Variants in FCRL3 observed in about 807,000 individuals in gnomAD.
FCRL3 encodes the protein Fc receptor like 3.
Under a neutral mutation model 75.0 loss-of-function variants are expected in FCRL3, and 89 were observed. The observed-to-expected ratio is 1.19, with a 90% CI of 1.00 to 1.42. The LOEUF (loss-of-function observed/expected upper bound fraction) is 1.42, where lower values mean the gene tolerates loss of function less well. Among genes scored for constraint, FCRL3 ranks in the 40% most tolerant of loss-of-function variants. FCRL3 has a pLI of 0.00. For missense variants in FCRL3, 946 were observed against 880.0 expected, an observed-to-expected ratio of 1.07 and a Z score of -0.95; for synonymous variants, 376 against 348.5, an observed-to-expected ratio of 1.08 and a Z score of -0.88.
In FCRL3 at chr1:157,699,681, G is replaced by A. The variant is rs780814754; in HGVS notation, c.52+11C>T. The A allele has an allele frequency of 6.2e-7, 1 of 1,613,532 alleles. No individual in the cohort carries two copies. Among genetic ancestry groups the A allele is most frequent in the South Asian group, 1.1e-5 (1 of 90,944 alleles). On this transcript the variant is annotated intron_variant, in intron 3 of 14. Transcript: ENST00000368184. The stretch of plus-strand genomic sequence containing the variant: ...CAGAGACCAGAGGGGCAGAGAGAAG[G>A]AGAAACTTACCTGATTGTTCTCTTC...
Position 157,683,220 on chromosome 1 carries a change from G to A in FCRL3, c.1835C>T (p.Ser612Phe). Reference protein sequence around the residue: ...KPGGLSATGTSSHSPSECQEP... With the variant: ...KPGGLSATGTFSHSPSECQEP... ...GCACAAGAAGCAGAGACCTCACCTAGATGTTCCAGTGGCAGAAAGTCCTCC... is the reference window on the plus strand; with the variant it reads ...GCACAAGAAGCAGAGACCTCACCTAAATGTTCCAGTGGCAGAAAGTCCTCC... Residue 612 changes from serine (S) to phenylalanine (F), a missense_variant, in exon 11 of 15, where the codon TCT becomes TTT. Ser to Phe is a radical substitution (Grantham distance 155). Coordinates refer to ENST00000368184, the MANE Select transcript of FCRL3 (RefSeq NM_052939.4). 1 of 1,613,580 alleles carries A rather than the reference G, an allele frequency of 6.2e-7. No homozygotes were observed. Among genetic ancestry groups the A allele is most frequent in the East Asian group, 2.2e-5 (1 of 44,840 alleles).
At chr1:157,695,863 A>G (rs1655855712) in intron 7 of FCRL3, 177 bp downstream of exon 7, 1 of 696,876 alleles carries the variant, frequency 1.4e-6, no homozygotes, top group Non-Finnish European at 2.3e-6. Flanking sequence ...CCATCTTTCC[A>G]TTTCTTGGAT....
chr1:157,697,670 A>G lies in FCRL3; in HGVS notation c.548T>C (p.Ile183Thr), dbSNP rs773307054. 17 of 1,613,044 alleles carry G rather than the reference A, an allele frequency of 1.1e-5. No homozygotes were observed. The highest frequency in any genetic ancestry group is 1.4e-5 in the Non-Finnish European group (17 of 1,179,662). The change falls in exon 5 of 15, where the codon ATC becomes ACC. Residue 183 changes from isoleucine (I) to threonine (T), a missense_variant. Coordinates refer to ENST00000368184, the MANE Select transcript of FCRL3 (RefSeq NM_052939.4). ...AATCTAGCCATTACCTTGAACTTGG[A>G]TATTTAGGGGTTTTGAAGTTACTTC... The part of the protein sequence containing the change: ...DIEVTSKPLN[I>T]QVQELFLHPV...
At position 157,678,812 on chromosome 1, in the gene FCRL3, G is replaced by GTC; in HGVS notation, c.2101_2102dup (p.Asp701GlufsTer102). On this transcript the variant is annotated frameshift_variant, in exon 15 of 15. Coordinates refer to ENST00000368184, the MANE Select transcript of FCRL3 (RefSeq NM_052939.4). LOFTEE classifies it low-confidence loss of function (END_TRUNC). ...TGCTGCTAGCCTCCCCTGCAGAGTCGTCTGGGTGTGTCTTCTTCAGTTCTG... is the reference window on the plus strand; with the variant it reads ...TGCTGCTAGCCTCCCCTGCAGAGTCGTCTCTGGGTGTGTCTTCTTCAGTTCTG... 1 of 1,613,994 alleles carries GTC rather than the reference G, an allele frequency of 6.2e-7. No individual in the cohort carries two copies. Among genetic ancestry groups the GTC allele is most frequent in the Non-Finnish European group, 8.5e-7 (1 of 1,179,984 alleles).
chr1:157,699,789 G>C, intron 2 of FCRL3, 77 bp from the exon 3 acceptor site: 1 of 1,509,232 alleles, frequency 6.6e-7, no homozygotes, highest in Non-Finnish European at 9.1e-7. Context: ...CACTTCTTTT[G>C]TTTTTCCTTA....
intron 10 of FCRL3, among the ~76,000 whole-genome samples, chr1:157,683,808 T>C (rs1654998775): frequency 6.6e-6 from 1 of 152,206 alleles, no homozygotes. Context: ...TCTCTTTCAC[T>C]TGGCTAGCTC....
intron 5 of FCRL3, 58 bp downstream of exon 5, chr1:157,697,601 T>C: frequency 6.4e-7 from 1 of 1,552,032 alleles, no homozygotes; most frequent in Middle Eastern, 1.9e-4. Context: ...ATAAACATCT[T>C]CCCTTTATCC....
At chr1:157,697,632 A>G in intron 5 of FCRL3, 27 bp downstream of exon 5, 1 of 1,599,180 alleles carries the variant, frequency 6.3e-7, no homozygotes, top group Non-Finnish European at 8.5e-7. Context: ...TAACAAACCC[A>G]GTAATCCACA....
chr1:157,698,445 A>C lies in FCRL3; in HGVS notation c.237T>G (p.Asn79Lys), dbSNP rs781490563. 6 of 1,614,062 alleles carry C rather than the reference A, an allele frequency of 3.7e-6. No individual in the cohort carries two copies. Among genetic ancestry groups the C allele is most frequent in the Non-Finnish European group, 8.5e-7 (1 of 1,180,036 alleles). Residue 79 changes from asparagine to lysine, a missense_variant, in exon 4 of 15, where the codon AAT (asparagine) becomes AAG (lysine). Physicochemically the swap from Asn to Lys is moderately conservative, Grantham distance 94. Coordinates refer to ENST00000368184, the MANE Select transcript of FCRL3 (RefSeq NM_052939.4). Reference sequence around the variant, plus strand: ...AGGATCCTCGGGTCTTACATTGGTAATTTCCAGGCTCTGTAATTTGGATCT... The same window carrying C: ...AGGATCCTCGGGTCTTACATTGGTACTTTCCAGGCTCTGTAATTTGGATCT... ...HDKIQITEPG[N>K]YQCKTRGSSL...
intron 8 of FCRL3, among the ~76,000 whole-genome samples, chr1:157,695,026 G>A (rs558829918): frequency 6.6e-6 from 1 of 152,176 alleles, no homozygotes; most frequent in Non-Finnish European, 1.5e-5. Flanking sequence ...ATTTTCCTTT[G>A]TCAGTAATTG....
intron 10 of FCRL3, among the ~76,000 whole-genome samples, chr1:157,685,486 G>C (rs111368981): frequency 0.023 from 3,483 of 152,158 alleles, 140 homozygotes; most frequent in African/African-American, 0.079. Flanking sequence ...ATAATAGTGG[G>C]AGATTTCAAT....
Position 157,690,381 on chromosome 1 carries a change from C to T in FCRL3, c.1564G>A (p.Ala522Thr), listed in dbSNP as rs1433892158. 6.2e-7 allele frequency: 1 copy of T among 1,614,078 alleles called. No individual in the cohort carries two copies. Among genetic ancestry groups the T allele is most frequent in the Non-Finnish European group, 8.5e-7 (1 of 1,180,044 alleles). The change falls in exon 9 of 15, where the codon GCC becomes ACC. Residue 522 changes from alanine (A) to threonine (T), a missense_variant. Coordinates refer to ENST00000368184, the MANE Select transcript of FCRL3 (RefSeq NM_052939.4). ...HEDDTLGNIS[A>T]HSGGGASFNL... ...AAGGATGCCCCTCCTCCAGAGTGGG[C>T]CGAGATGTTCCCCAAGGTGTCATCC... is the stretch of plus-strand genomic sequence containing the variant.
chr1:157,688,476 A>C (rs532736288), intron 10 of FCRL3, among the ~76,000 whole-genome samples: 25 of 152,280 alleles, frequency 1.6e-4, no homozygotes, highest in African/African-American at 5.8e-4. Flanking sequence ...ATAAATTCAC[A>C]ATTACAGTTA....
At chr1:157,692,687 A>G (rs1655629030) in intron 8 of FCRL3, among the ~76,000 whole-genome samples, 1 of 152,224 alleles carries the variant, frequency 6.6e-6, no homozygotes, top group Non-Finnish European at 1.5e-5. Flanking sequence ...ATGAAGAAAG[A>G]TTAGTATTTA....
intron 8 of FCRL3, among the ~76,000 whole-genome samples, chr1:157,694,745 T>C (rs1209009352): frequency 6.6e-6 from 1 of 151,886 alleles, no homozygotes; most frequent in Non-Finnish European, 1.5e-5. Context: ...GAACATCAGA[T>C]TAAATGAGAC....
chr1:157,695,484 T>C lies in FCRL3; in HGVS notation c.1256A>G (p.His419Arg), dbSNP rs766340185. 6 of 1,614,160 alleles carry C rather than the reference T, an allele frequency of 3.7e-6. No homozygotes were observed. Among genetic ancestry groups the C allele is most frequent in the Non-Finnish European group, 4.2e-6 (5 of 1,180,014 alleles). ...GCTGTTCCCCAGGGTGACATCCTCA[T>C]GATAAAATCGGTACAGGATCGGGGG... ...GSPPILYRFY[H>R]EDVTLGNSSA... Residue 419 changes from histidine (H) to arginine (R), a missense_variant, in exon 8 of 15, where the codon CAT becomes CGT. Coordinates refer to ENST00000368184, the MANE Select transcript of FCRL3 (RefSeq NM_052939.4).
chr1:157,697,005 G>C, intron 6 of FCRL3, 135 bp downstream of exon 6: 1 of 877,890 alleles, frequency 1.1e-6, no homozygotes, highest in Non-Finnish European at 1.5e-6. Flanking sequence ...CCAACGTTGA[G>C]CTTAAAGAGA....
rs1263935793 is a variant in FCRL3, at chr1:157,676,712, C to A, written c.*1998G>T. 1 of 1,550,310 alleles carries A rather than the reference C, an allele frequency of 6.5e-7. No homozygotes were observed. The highest frequency in any genetic ancestry group is 1.4e-5 in the African/African-American group (1 of 73,152). ...CTCACATACTCTGATTTGCACAGGG[C>A]TAAGTGTTACAAAGACATGGAAAAT... On this transcript the variant is annotated 3_prime_UTR_variant, in exon 15 of 15. Coordinates refer to ENST00000368184, the MANE Select transcript of FCRL3 (RefSeq NM_052939.4).
chr1:157,690,796 A>G (rs1655478992), intron 8 of FCRL3, among the ~76,000 whole-genome samples: 1 of 152,204 alleles, frequency 6.6e-6, no homozygotes, highest in African/African-American at 2.4e-5. Context: ...AATAAAAATC[A>G]TATTGCATGT....
Sources: allele counts gnomAD v4.1 joint callset (sites outside exome capture counted in the v4.1 genomes callset), GRCh38; gene constraint gnomAD v4.1.1; transcripts MANE v1.5; gene names NCBI Gene and HGNC (gene_info 2026-07-23, HGNC 2026-07-21).